XG: variants seen among roughly 807,000 people sequenced by gnomAD.
XG encodes Xg glycoprotein (Xg blood group), also known as glycoprotein Xg.
A neutral mutation model predicts 25.7 loss-of-function variants in XG; 24 were observed. That is an observed-to-expected ratio of 0.93 (90% CI 0.68 to 1.31). The LOEUF is 1.31. Ranked by LOEUF, XG falls within the 40% of genes most tolerant of loss-of-function variation. XG has a pLI of 0.00. For missense variants in XG, 181 were observed against 187.6 expected (o/e 0.96, Z 0.21); for synonymous variants, 77 against 69.2 (o/e 1.11, Z -0.56).
At chrX:2,802,734 C>G (rs1472789931) in intron 7 of XG, among the ~76,000 whole-genome samples, 1 of 110,499 alleles carries the variant, frequency 9.0e-6, no homozygotes, top group Non-Finnish European at 1.9e-5. Context: ...TTAGGTTTTA[C>G]AATAGTGATG....
rs989946125 is a variant in XG at position 2,814,360 on chromosome X, T to A, written c.572-4T>A. The A allele has an allele frequency of 8.3e-7, 1 of 1,203,933 alleles. No individual in the cohort carries two copies. The highest frequency in any genetic ancestry group is 1.1e-6 in the Non-Finnish European group (1 of 893,494). ...ATGACATTTGTTTCTAATCTTCCTT[T>A]CAGAACCAGAAAATGTCTGAAGATG... On this transcript the variant is annotated splice_region_variant and splice_polypyrimidine_tract_variant and intron_variant, in intron 10 of 10. Transcript: ENST00000644266.
At chrX:2,785,215 T>C (rs1266467558) in intron 4 of XG, among the ~76,000 whole-genome samples, 1 of 111,804 alleles carries the variant, frequency 8.9e-6, no homozygotes, top group Non-Finnish European at 1.9e-5. Flanking sequence ...AAAGGAATAG[T>C]ACTTATGCCT....
chrX:2,811,496 A>AC (rs2087055954), intron 10 of XG, 44 bp downstream of exon 10: 3 of 905,074 alleles, frequency 3.3e-6, no homozygotes, highest in Non-Finnish European at 4.5e-6. Context: ...ACTAAGCCTG[A>AC]TTTAAAAAAA....
At chrX:2,802,519 G>A (rs1388787330) in intron 7 of XG, among the ~76,000 whole-genome samples, 1 of 111,099 alleles carries the variant, frequency 9.0e-6, no homozygotes, top group Non-Finnish European at 1.9e-5. Context: ...GCTTTTTAAC[G>A]TGTAATTTGG....
At chrX:2,789,738 T>C (rs867024018) in intron 5 of XG, 32 bp downstream of exon 5, 1 of 694,689 alleles carries the variant, frequency 1.4e-6, no homozygotes, top group Non-Finnish European at 1.9e-6. Context: ...ATTTTTATTT[T>C]ATTTTATTTT....
At chrX:2,774,612 T>G (rs778549188) in intron 2 of XG, 104 bp from the exon 3 acceptor site, 1 of 1,284,932 alleles carries the variant, frequency 7.8e-7, no homozygotes, top group South Asian at 1.2e-5. Context: ...TTGTATGGCT[T>G]TGTCACTCCC....
intron 3 of XG, among the ~76,000 whole-genome samples, chrX:2,777,761 T>C (rs2051032281): frequency 6.6e-6 from 1 of 152,144 alleles, no homozygotes. Context: ...GATGAGATGA[T>C]GCAATTTAAA....
intron 7 of XG, among the ~76,000 whole-genome samples, chrX:2,801,232 C>T (rs1253685862): frequency 3.6e-5 from 4 of 110,403 alleles, no homozygotes; most frequent in Admixed American, 9.7e-5. Flanking sequence ...CATTGTTGCA[C>T]GCTGAGAAAG....
chrX:2,791,776 C>A (rs1231169740), intron 5 of XG, among the ~76,000 whole-genome samples: 2 of 110,178 alleles, frequency 1.8e-5, no homozygotes. Context: ...TCAGTGAAGT[C>A]ATTAATGCTT....
At chrX:2,773,538 GGAAGGAAGGAGAGAA>G (rs2050886827) in intron 2 of XG, among the ~76,000 whole-genome samples, 2 of 127,492 alleles carry the variant, frequency 1.6e-5, no homozygotes, top group African/African-American at 3.0e-5. Context: ...AAGGAGAGAA[GGAAGGAAGGAGAGAA>G]GGAAGGAAGG....
chrX:2,814,367 C>G lies in XG; in HGVS notation c.575C>G (p.Pro192Arg). ...TTGTTTCTAATCTTCCTTTCAGAAC[C>G]AGAAAATGTCTGAAGATGTTAAGAT... The part of the protein sequence containing the change: ...NRRNCFRTHE[P>R]ENV The change falls in exon 11 of 11, where the codon CCA becomes CGA. Residue 192 changes from proline to arginine, a missense_variant. Pro to Arg is a moderately radical substitution (Grantham distance 103). Transcript: ENST00000644266. 1 of 1,204,766 alleles carries G rather than the reference C, an allele frequency of 8.3e-7. No individual in the cohort carries two copies. Among genetic ancestry groups the G allele is most frequent in the East Asian group, 3.0e-5 (1 of 33,683 alleles).
chrX:2,797,452 A>C, intron 7 of XG, 92 bp downstream of exon 7: 1 of 1,004,546 alleles, frequency 1.0e-6, no homozygotes, highest in Non-Finnish European at 1.4e-6. Context: ...TGGGCCTTCT[A>C]CCTGGAGTCT....
intron 1 of XG, among the ~76,000 whole-genome samples, chrX:2,770,016 T>TC (rs1556363304): frequency 1.5e-3 from 67 of 45,578 alleles, no homozygotes; most frequent in African/African-American, 5.2e-3. Context: ...TGTGCGTGTG[T>TC]GGAGGGGTGG....
At chrX:2,784,388 G>A (rs2086763825) in intron 4 of XG, among the ~76,000 whole-genome samples, 1 of 110,079 alleles carries the variant, frequency 9.1e-6, no homozygotes, top group African/African-American at 3.3e-5. Flanking sequence ...TTCAAGGCCA[G>A]CCTGGCCAAC....
At chrX:2,801,479 T>C (rs1381105828) in intron 7 of XG, among the ~76,000 whole-genome samples, 1 of 111,124 alleles carries the variant, frequency 9.0e-6, no homozygotes, top group East Asian at 2.8e-4. Context: ...AGGTATGACT[T>C]CTACATAGTG....
intron 9 of XG, 82 bp downstream of exon 9, chrX:2,808,302 T>G: frequency 9.0e-7 from 1 of 1,110,539 alleles, no homozygotes; most frequent in Non-Finnish European, 1.2e-6. Flanking sequence ...TGTGTGGGCT[T>G]CTGTTTCCCA....
chrX:2,761,607 G>C (rs1232166241), intron 1 of XG, among the ~76,000 whole-genome samples: 2 of 150,858 alleles, frequency 1.3e-5, no homozygotes, highest in African/African-American at 4.9e-5. Context: ...CTGATCTCAA[G>C]ACGTCCAGCC....
At chrX:2,769,227 C>T (rs762368905) in intron 1 of XG, among the ~76,000 whole-genome samples, 11 of 152,308 alleles carry the variant, frequency 7.2e-5, no homozygotes, top group Admixed American at 2.0e-4. Flanking sequence ...CAAGCGTCAC[C>T]GAGGCAGACC....
At chrX:2,756,138 C>T (rs986972158) in intron 1 of XG, among the ~76,000 whole-genome samples, 16 of 152,108 alleles carry the variant, frequency 1.1e-4, no homozygotes, top group African/African-American at 2.9e-4. Flanking sequence ...AATAGCAAGA[C>T]GGCCATATTC....
Sources: allele counts gnomAD v4.1 joint callset (sites outside exome capture counted in the v4.1 genomes callset), GRCh38; gene constraint gnomAD v4.1.1; transcripts MANE v1.5; gene names NCBI Gene and HGNC (gene_info 2026-07-23, HGNC 2026-07-21).